Variants in COLEC11 observed in about 807,000 individuals in gnomAD.
The protein encoded by COLEC11 is collectin subfamily member 11.
COLEC11 carries 20 observed loss-of-function variants against 27.3 expected under a neutral mutation model. The ratio of observed to expected loss-of-function variants is 0.73; its 90% CI spans 0.51 to 1.06. The LOEUF (loss-of-function observed/expected upper bound fraction) is 1.06. COLEC11 is among the 50% of genes least tolerant of loss of function. COLEC11 has a pLI of 0.00. For synonymous variants in COLEC11, 163 were observed against 154.7 expected, an observed-to-expected ratio of 1.05 and a Z score of -0.40; for missense variants, 310 against 383.0, an observed-to-expected ratio of 0.81 and a Z score of 1.59.
chr2:3,600,656 C>T (rs1178498999), intron 1 of COLEC11, among the ~76,000 whole-genome samples: 3 of 152,188 alleles, frequency 2.0e-5, no homozygotes, highest in African/African-American at 2.4e-5. Flanking sequence ...CAGGGGAGGG[C>T]GCGTGGATGG....
At chr2:3,632,472 C>T (rs1227490485) in intron 3 of COLEC11, among the ~76,000 whole-genome samples, 2 of 152,190 alleles carry the variant, frequency 1.3e-5, no homozygotes, top group Non-Finnish European at 2.9e-5. Context: ...CAGGCGGTGT[C>T]TTCCTGCTGC....
intron 3 of COLEC11, among the ~76,000 whole-genome samples, chr2:3,631,036 G>A (rs903655119): frequency 3.3e-5 from 5 of 152,110 alleles, no homozygotes; most frequent in African/African-American, 1.2e-4. Flanking sequence ...TTCGAGACCA[G>A]CCTGGCTAAC....
At chr2:3,603,775 C>G in intron 1 of COLEC11, 1 of 1,038,982 alleles carries the variant, frequency 9.6e-7, no homozygotes, top group East Asian at 2.6e-5. Context: ...GGGCTCCTCT[C>G]TCCTTACTGA....
At chr2:3,641,081 C>T (rs1665826367) in intron 5 of COLEC11, among the ~76,000 whole-genome samples, 1 of 143,150 alleles carries the variant, frequency 7.0e-6, no homozygotes, top group Non-Finnish European at 1.5e-5. Context: ...ACGGTGGACA[C>T]CCACCCACCA....
intron 1 of COLEC11, chr2:3,603,331 T>A (rs1222136136): frequency 4.9e-6 from 1 of 203,024 alleles, no homozygotes; most frequent in African/African-American, 2.3e-5. Context: ...TATTTTATTT[T>A]TTTTTGGGAC....
At chr2:3,631,475 C>T (rs1182198385) in intron 3 of COLEC11, among the ~76,000 whole-genome samples, 2 of 152,156 alleles carry the variant, frequency 1.3e-5, no homozygotes, top group Non-Finnish European at 2.9e-5. Flanking sequence ...CCCCCAGGCC[C>T]AGCTGTGCCC....
chr2:3,639,080 T>G (rs755623325), intron 4 of COLEC11, among the ~76,000 whole-genome samples: 22 of 152,236 alleles, frequency 1.4e-4, no homozygotes, highest in Non-Finnish European at 3.2e-4. Context: ...CTGTGTCTAG[T>G]TGATTTCACT....
chr2:3,598,148 C>T (rs1661984912), intron 1 of COLEC11, among the ~76,000 whole-genome samples: 1 of 152,122 alleles, frequency 6.6e-6, no homozygotes, highest in African/African-American at 2.4e-5. Context: ...GTTGGCCAGG[C>T]TGGTCTCGAA....
Position 3,644,201 on chromosome 2 carries a change from C to T in COLEC11, c.*83C>T. 6.4e-7 allele frequency: 1 copy of T among 1,559,928 alleles called. No homozygotes were observed. Among genetic ancestry groups the T allele is most frequent in the Non-Finnish European group, 8.7e-7 (1 of 1,146,224 alleles). On this transcript the variant is annotated 3_prime_UTR_variant, in exon 7 of 7. Transcript: ENST00000349077. ...ACAGAGCCCAGACCATGGTGCCAGC[C>T]AGGGAGCTGTCCCTCTGTGAAGGGT...
At chr2:3,632,906 C>G (rs1220977629) in intron 3 of COLEC11, among the ~76,000 whole-genome samples, 5 of 151,930 alleles carry the variant, frequency 3.3e-5, no homozygotes, top group Admixed American at 1.3e-4. Context: ...ACAAACACCA[C>G]GGGCTGAGGA....
intron 3 of COLEC11, among the ~76,000 whole-genome samples, chr2:3,621,570 C>A (rs1445220866): frequency 6.6e-6 from 1 of 152,094 alleles, no homozygotes; most frequent in South Asian, 2.1e-4. Flanking sequence ...TTTGCCATTG[C>A]CATTTTGTTA....
At chr2:3,604,517 C>T (rs761340818) in intron 2 of COLEC11, 47 bp downstream of exon 2, 1 of 1,603,710 alleles carries the variant, frequency 6.2e-7, no homozygotes, top group Non-Finnish European at 8.5e-7. Flanking sequence ...GCCTCCGGGC[C>T]AGCTGAGAGA....
chr2:3,609,373 T>TGA, intron 2 of COLEC11, among the ~76,000 whole-genome samples: 1 of 141,084 alleles, frequency 7.1e-6, no homozygotes, highest in Non-Finnish European at 1.5e-5. Flanking sequence ...TTTTTTTTTT[T>TGA]TTTTTTTTTT....
intron 3 of COLEC11, among the ~76,000 whole-genome samples, chr2:3,615,131 TTTA>T (rs140753141): frequency 0.65 from 87,058 of 133,894 alleles, 27,509 homozygotes; most frequent in South Asian, 0.77. Flanking sequence ...AGGGATTTTA[TTTA>T]TTTATTTATT....
At chr2:3,627,743 C>A (rs1378465741) in intron 3 of COLEC11, among the ~76,000 whole-genome samples, 8 of 151,190 alleles carry the variant, frequency 5.3e-5, no homozygotes, top group Admixed American at 2.0e-4. Flanking sequence ...GATGGTAGAT[C>A]TAGGTATGAC....
chr2:3,615,601 A>G (rs1043617880), intron 3 of COLEC11, among the ~76,000 whole-genome samples: 2 of 152,242 alleles, frequency 1.3e-5, no homozygotes, highest in Non-Finnish European at 2.9e-5. Flanking sequence ...CCCCTTTTCT[A>G]TTTGACAAAA....
chr2:3,619,117 G>T (rs751093734), intron 3 of COLEC11, among the ~76,000 whole-genome samples: 15 of 152,068 alleles, frequency 9.9e-5, no homozygotes, highest in African/African-American at 2.4e-4. Context: ...AACAGAGCCA[G>T]CTTTACCTCT....
Position 3,643,991 on chromosome 2 carries a change from G to T in COLEC11, c.689G>T (p.Ser230Ile), listed in dbSNP as rs1159379247. Residue 230 changes from serine to isoleucine, a missense_variant, in exon 7 of 7, where the codon AGC becomes ATC. Physicochemically the swap from Ser to Ile is moderately radical, Grantham distance 142 (BLOSUM62 -2). Coordinates refer to ENST00000349077, the MANE Select transcript of COLEC11 (RefSeq NM_024027.5). ...ATGCGGACCTTCAACAAGTGGCGCAGCGGTGAGCCCAACAATGCCTACGAC... is the reference window on the plus strand; with the variant it reads ...ATGCGGACCTTCAACAAGTGGCGCATCGGTGAGCCCAACAATGCCTACGAC... ...SPMRTFNKWRSGEPNNAYDEE... is the reference protein window; with the variant it reads ...SPMRTFNKWRIGEPNNAYDEE... The T allele has an allele frequency of 1.2e-6, 2 of 1,614,146 alleles. No individual in the cohort carries two copies. Among genetic ancestry groups the T allele is most frequent in the Non-Finnish European group, 1.7e-6 (2 of 1,180,048 alleles).
At chr2:3,618,100 T>C (rs757288817) in intron 3 of COLEC11, among the ~76,000 whole-genome samples, 2 of 152,262 alleles carry the variant, frequency 1.3e-5, no homozygotes, top group Non-Finnish European at 2.9e-5. Context: ...TAACCTCTTA[T>C]CAGATATATG....
Sources: allele counts gnomAD v4.1 joint callset (sites outside exome capture counted in the v4.1 genomes callset), GRCh38; gene constraint gnomAD v4.1.1; transcripts MANE v1.5; gene names NCBI Gene and HGNC (gene_info 2026-07-23, HGNC 2026-07-21).